The following NFAT5 variants were observed in gnomAD, a reference collection of about 807,000 sequenced individuals.
The protein encoded by NFAT5 is nuclear factor of activated T-cells 5.
NFAT5 carries 31 observed loss-of-function variants against 166.5 expected under a neutral mutation model. The observed-to-expected ratio is 0.19, with a 90% CI of 0.14 to 0.25. NFAT5 has a LOEUF of 0.25. Ranked by LOEUF, NFAT5 falls within the 10% of genes least tolerant of loss-of-function variation. The probability of loss-of-function intolerance (pLI) is 1.00; values close to 1 mark genes in which losing one functional copy is unlikely to be tolerated. For missense variants in NFAT5, 1,449 were observed against 1,821.8 expected (o/e 0.80, Z 3.72); for synonymous variants, 612 against 639.7 (o/e 0.96, Z 0.65).
intron 2 of NFAT5, among the ~76,000 whole-genome samples, chr16:69,612,472 T>C (rs1216852405): frequency 6.6e-6 from 1 of 152,242 alleles, no homozygotes; most frequent in Non-Finnish European, 1.5e-5. Flanking sequence ...ATTGTTTTAA[T>C]GGTTATCTTT....
chr16:69,682,365 C>T (rs1009733502), intron 10 of NFAT5, among the ~76,000 whole-genome samples: 1 of 149,734 alleles, frequency 6.7e-6, no homozygotes, highest in Non-Finnish European at 1.5e-5. Context: ...CCTGACACTT[C>T]AGGAGGCCAA....
intron 2 of NFAT5, among the ~76,000 whole-genome samples, chr16:69,608,090 CACGCCTGTAATCCCAG>C (rs1234601234): frequency 6.6e-6 from 1 of 151,678 alleles, no homozygotes; most frequent in African/African-American, 2.4e-5. Flanking sequence ...CACGGTGGCT[CACGCCTGTAATCCCAG>C]CACTTTGGGA....
intron 3 of NFAT5, among the ~76,000 whole-genome samples, chr16:69,640,986 GAA>G (rs1037794951): frequency 7.5e-6 from 1 of 133,224 alleles, no homozygotes; most frequent in Non-Finnish European, 1.6e-5. Context: ...CATCTCAAAA[GAA>G]AAAAAAAAAG....
At chr16:69,616,081 C>T (rs1156543182) in intron 2 of NFAT5, among the ~76,000 whole-genome samples, 2 of 152,200 alleles carry the variant, frequency 1.3e-5, no homozygotes, top group South Asian at 4.1e-4. Context: ...TCTTCCCTAC[C>T]CCATTTGAAC....
chr16:69,613,986 A>G (rs2033820832), intron 2 of NFAT5, among the ~76,000 whole-genome samples: 1 of 152,272 alleles, frequency 6.6e-6, no homozygotes, highest in Non-Finnish European at 1.5e-5. Flanking sequence ...ACAAGTAATT[A>G]TATGACCAAG....
At chr16:69,614,002 A>G (rs2033821729) in intron 2 of NFAT5, among the ~76,000 whole-genome samples, 1 of 152,194 alleles carries the variant, frequency 6.6e-6, no homozygotes, top group Admixed American at 6.5e-5. Context: ...CCAAGAGAAG[A>G]CTCATGGTAT....
intron 2 of NFAT5, among the ~76,000 whole-genome samples, chr16:69,575,858 A>G (rs968500755): frequency 1.3e-5 from 2 of 152,172 alleles, no homozygotes; most frequent in Non-Finnish European, 2.9e-5. Context: ...ATGTAGTACC[A>G]GTATCCCTAT....
At position 69,694,002 on chromosome 16, in the gene NFAT5, T is replaced by C; in HGVS notation, c.4177T>C (p.Phe1393Leu). The change falls in exon 13 of 15, where the codon TTC becomes CTC. Residue 1393 changes from phenylalanine to leucine, a missense_variant. Physicochemically the swap from Phe to Leu is conservative, Grantham distance 22. Coordinates refer to ENST00000349945, the MANE Select transcript of NFAT5 (RefSeq NM_138713.4). Reference sequence around the variant, plus strand: ...TTCTCAAGAGCAGCAAGTAACTCTCTTCTTATCTCCAGCATCCATGTCTGC... The same window carrying C: ...TTCTCAAGAGCAGCAAGTAACTCTCCTCTTATCTCCAGCATCCATGTCTGC... Reference protein sequence around the residue: ...PSSQEQQVTLFLSPASMSALQ... With the variant: ...PSSQEQQVTLLLSPASMSALQ... 1 of 1,614,214 alleles carries C rather than the reference T, an allele frequency of 6.2e-7. No individual in the cohort carries two copies. Among genetic ancestry groups the C allele is most frequent in the East Asian group, 2.2e-5 (1 of 44,882 alleles).
intron 10 of NFAT5, among the ~76,000 whole-genome samples, chr16:69,684,284 G>A (rs1597548357): frequency 6.8e-6 from 1 of 147,354 alleles, no homozygotes; most frequent in Admixed American, 6.8e-5. Flanking sequence ...AAATTGGCTG[G>A]GCACGGTGGC....
At chr16:69,649,220 A>T in intron 4 of NFAT5, 1 of 958,776 alleles carries the variant, frequency 1.0e-6, no homozygotes, top group Non-Finnish European at 1.2e-6. Flanking sequence ...AGTCTCATGA[A>T]TATCATTTAA....
chr16:69,584,587 C>T (rs2031919874), intron 2 of NFAT5, among the ~76,000 whole-genome samples: 1 of 151,716 alleles, frequency 6.6e-6, no homozygotes, highest in Non-Finnish European at 1.5e-5. Context: ...GCCTCGGCCT[C>T]CCTCGGTCTT....
chr16:69,663,852 G>C (rs550326318), intron 7 of NFAT5, among the ~76,000 whole-genome samples: 1 of 152,136 alleles, frequency 6.6e-6, no homozygotes, highest in South Asian at 2.1e-4. Flanking sequence ...ACTCCAGCCT[G>C]GGCAACAGAG....
chr16:69,569,649 GTC>G (rs2016318654), intron 2 of NFAT5, among the ~76,000 whole-genome samples: 1 of 152,154 alleles, frequency 6.6e-6, no homozygotes, highest in African/African-American at 2.4e-5. Flanking sequence ...AAATGTAGCT[GTC>G]TCTTAAATTT....
At position 69,586,321 on chromosome 16, in the gene NFAT5, A is replaced by C. The variant is rs2032061470; in HGVS notation, c.127+17773A>C. Among the ~76,000 whole-genome samples, 5 of 152,338 alleles carry C rather than the reference A, an allele frequency of 3.3e-5. No homozygotes were observed. The South Asian group carries it at 1.0e-3, about 32-fold the overall frequency. On this transcript the variant is annotated intron_variant, in intron 2 of 14. Transcript: ENST00000349945. ...TTACATCTTTGATAATCAAAAACTA[A>C]ATTTTGATAAGCCAGACTAGACTAC...
chr16:69,642,510 A>G (rs1168300150), intron 3 of NFAT5, among the ~76,000 whole-genome samples: 1 of 152,142 alleles, frequency 6.6e-6, no homozygotes, highest in Non-Finnish European at 1.5e-5. Context: ...GGTCACAGAA[A>G]ATGCTTTAGA....
In NFAT5 at chr16:69,695,255, C is replaced by G; in HGVS notation, c.4534C>G (p.Gln1512Glu). 6.2e-7 allele frequency: 1 copy of G among 1,614,160 alleles called. No individual in the cohort carries two copies. The highest frequency in any genetic ancestry group is 8.5e-7 in the Non-Finnish European group (1 of 1,180,000). ...ACCTGTGACAACACTTCTTTCTCAG[C>G]AAATGCCAGAGAATTCTCCACTGGC... ...QPPVTTLLSQ[Q>E]MPENSPLASS... Residue 1512 changes from glutamine (Q) to glutamate (E), a missense_variant, in exon 14 of 15, where the codon CAA becomes GAA. Around this residue, in one of 7 missense-constraint regions of NFAT5, gnomAD observed 891 missense variants for 993.0 expected, o/e 0.90. Coordinates refer to ENST00000349945, the MANE Select transcript of NFAT5 (RefSeq NM_138713.4).
At chr16:69,601,340 T>C (rs995259137) in intron 2 of NFAT5, among the ~76,000 whole-genome samples, 2 of 152,176 alleles carry the variant, frequency 1.3e-5, no homozygotes, top group Non-Finnish European at 2.9e-5. Flanking sequence ...AGATACAATT[T>C]GTGATAGCTG....
At position 69,704,006 on chromosome 16, in the gene NFAT5, G is replaced by A. The variant is rs1189313440; in HGVS notation, c.*7655G>A. 3.3e-5 allele frequency: 5 copies of A among 152,324 alleles called. No homozygotes were observed. The highest frequency in any genetic ancestry group is 2.6e-4 in the Admixed American group (4 of 15,246). 9.4% of individuals were successfully genotyped at this position (152,324 alleles called of 1,614,324 possible). On this transcript the variant is annotated 3_prime_UTR_variant, in exon 15 of 15. Transcript: ENST00000349945. The stretch of plus-strand genomic sequence containing the variant: ...TTTAGCTGATGAACCTCAGGACAAC[G>A]TCTACACACACACACATACATACAC...
intron 2 of NFAT5, among the ~76,000 whole-genome samples, chr16:69,585,670 A>G (rs2032009368): frequency 6.6e-6 from 1 of 152,242 alleles, no homozygotes; most frequent in South Asian, 2.1e-4. Flanking sequence ...AAGTTCTGTT[A>G]CATGCCACAG....
Sources: gnomAD v4.1 joint callset for allele counts (sites outside exome capture counted in the v4.1 genomes callset) on GRCh38, gnomAD v4.1.1 for gene constraint, gnomAD v4.1.1 regional missense constraint, MANE v1.5 for transcripts, NCBI Gene and HGNC (gene_info 2026-07-23, HGNC 2026-07-21) for gene names.